The following TMEM254 variants were observed in gnomAD, a reference collection of about 807,000 sequenced individuals.
TMEM254 encodes the protein transmembrane protein 254, also known as transmembrane protein C10orf57.
A neutral mutation model predicts 13.9 loss-of-function variants in TMEM254; 16 were observed. That is an observed-to-expected ratio of 1.15 (90% CI 0.78 to 1.75). The LOEUF (loss-of-function observed/expected upper bound fraction) is 1.75. Among genes scored for constraint, TMEM254 ranks in the 40% most tolerant of loss-of-function variants. The probability of loss-of-function intolerance (pLI) is 0.00; values close to 1 mark genes in which losing one functional copy is unlikely to be tolerated. For synonymous variants in TMEM254, 61 were observed against 56.4 expected, an observed-to-expected ratio of 1.08 and a Z score of -0.36; for missense variants, 155 against 149.0, an observed-to-expected ratio of 1.04 and a Z score of -0.21.
rs1254805656 is a variant in TMEM254 at position 80,084,594 on chromosome 10, C to G, written c.251+2390C>G. On this transcript the variant is annotated intron_variant, in intron 3 of 3. Transcript: ENST00000372281. Reference sequence around the variant, plus strand: ...CCAAATTCCAGAGACTCATGTCAAGCTCTACAAATGGTTCTGTTGAGGCCA... The same window carrying G: ...CCAAATTCCAGAGACTCATGTCAAGGTCTACAAATGGTTCTGTTGAGGCCA... 5.3e-5 allele frequency among the ~76,000 whole-genome samples: 8 copies of G among 152,134 alleles called. No homozygotes were observed. The South Asian group carries it at 8.3e-4, about 16-fold the overall frequency.
intron 3 of TMEM254, among the ~76,000 whole-genome samples, chr10:80,088,347 CACAAAA>C (rs1844412059): frequency 1.3e-5 from 2 of 151,714 alleles, no homozygotes; most frequent in African/African-American, 4.8e-5. Context: ...TGTCTTGTGC[CACAAAA>C]ACAAAAAATA....
chr10:80,081,498 C>A (rs1442221175), intron 1 of TMEM254: 2 of 607,678 alleles, frequency 3.3e-6, no homozygotes, highest in African/African-American at 3.7e-5. Flanking sequence ...GAGACCCCAT[C>A]TCTATATACA....
intron 1 of TMEM254, 85 bp from the exon 2 acceptor site, chr10:80,081,756 G>T (rs754963150): frequency 1.2e-6 from 2 of 1,609,662 alleles, no homozygotes; most frequent in South Asian, 2.2e-5. Flanking sequence ...TTTTTTTACT[G>T]TTTCACAGCC....
intron 1 of TMEM254, chr10:80,079,050 C>T (rs541233327): frequency 2.7e-6 from 4 of 1,487,942 alleles, no homozygotes; most frequent in East Asian, 5.6e-5. Flanking sequence ...GGCTGGGGAG[C>T]TCCCAGCCAA....
chr10:80,083,894 T>G (rs1020004606), intron 3 of TMEM254, among the ~76,000 whole-genome samples: 12 of 151,934 alleles, frequency 7.9e-5, no homozygotes, highest in African/African-American at 2.4e-4. Context: ...CTGGCCAACA[T>G]GACAAAACCC....
At chr10:80,088,490 G>C (rs1386850308) in intron 3 of TMEM254, among the ~76,000 whole-genome samples, 1 of 146,216 alleles carries the variant, frequency 6.8e-6, no homozygotes, top group African/African-American at 2.5e-5. Context: ...TTCTATTATT[G>C]AGTCTTCTAA....
chr10:80,087,192 G>A (rs887061673), intron 3 of TMEM254, among the ~76,000 whole-genome samples: 8 of 152,026 alleles, frequency 5.3e-5, no homozygotes, highest in South Asian at 4.2e-4. Flanking sequence ...GTGCCTTAAC[G>A]TATTTAAAAA....
At chr10:80,079,362 T>C in intron 1 of TMEM254, 1 of 1,176,058 alleles carries the variant, frequency 8.5e-7, no homozygotes, top group Non-Finnish European at 1.1e-6. Flanking sequence ...AGTGTTCCTG[T>C]CTTTGGGTCC....
intron 1 of TMEM254, among the ~76,000 whole-genome samples, chr10:80,080,257 C>T (rs1843919641): frequency 6.6e-6 from 1 of 152,220 alleles, no homozygotes; most frequent in African/African-American, 2.4e-5. Context: ...ATTTAACTTT[C>T]AGATGTGAAA....
intron 1 of TMEM254, chr10:80,079,333 A>G: frequency 8.4e-7 from 1 of 1,192,600 alleles, no homozygotes; most frequent in Non-Finnish European, 1.1e-6. Context: ...GTGGGCTCTT[A>G]GGATAGTTTC....
At chr10:80,081,677 A>G (rs566696392) in intron 1 of TMEM254, 164 bp from the exon 2 acceptor site, 2 of 1,553,832 alleles carry the variant, frequency 1.3e-6, no homozygotes, top group South Asian at 2.3e-5. Context: ...AAAAAAAAAG[A>G]AAGAAAGAAA....
rs1844570558 is a variant in TMEM254 at position 80,091,392 on chromosome 10, A to G, written c.*475A>G. 1 of 152,624 alleles carries G rather than the reference A, an allele frequency of 6.6e-6. No individual in the cohort carries two copies. The highest frequency in any genetic ancestry group is 2.4e-5 in the African/African-American group (1 of 41,424). The allele number at this position is 152,624 out of a possible 1,614,324, so 9.5% of individuals were successfully genotyped here. ...CTATATGTCAATTCCACACACATTT[A>G]TTAGGTACCTGTGAGGTAGGATCCT... On this transcript the variant is annotated 3_prime_UTR_variant, in exon 4 of 4. Transcript: ENST00000372281.
In TMEM254 at chr10:80,079,607, A is replaced by G. The variant is rs1279040334; in HGVS notation, c.87+821A>G. The G allele has an allele frequency of 3.0e-6, 3 of 987,260 alleles. No individual in the cohort carries two copies. In the African/African-American group the frequency reaches 5.2e-5, roughly 17 times the overall value. 61.2% of individuals were successfully genotyped at this position (987,260 alleles called of 1,614,324 possible). A position where few individuals can be genotyped will look rare whatever the true frequency, so the allele number is the denominator to read the frequency against. ...GTTCTGACATAGGTGTGGAAGCAAGAAGAAAGCTGTACCTAGAAAAAGAGC... is the reference window on the plus strand; with the variant it reads ...GTTCTGACATAGGTGTGGAAGCAAGGAGAAAGCTGTACCTAGAAAAAGAGC... On this transcript the variant is annotated intron_variant, in intron 1 of 3. Transcript: ENST00000372281.
intron 1 of TMEM254, 188 bp downstream of exon 1, chr10:80,078,974 C>T: frequency 6.5e-7 from 1 of 1,539,348 alleles, no homozygotes; most frequent in South Asian, 1.2e-5. Context: ...CCGCCAGGGT[C>T]TTGGGCGGGC....
intron 1 of TMEM254, chr10:80,081,567 C>A: frequency 1.1e-6 from 1 of 925,374 alleles, no homozygotes; most frequent in Non-Finnish European, 1.6e-6. Context: ...ACTTGGGAGG[C>A]TGAGGTGGGA....
rs375363758 is a variant in TMEM254, at chr10:80,085,557, A to T, written c.251+3353A>T. 2.7e-4 allele frequency among the ~76,000 whole-genome samples: 41 copies of T among 151,274 alleles called. No individual in the cohort carries two copies. The East Asian group carries it at 6.0e-3, about 22-fold the overall frequency. ...ACTTTAGCCTGGGCGACAAAGTGAG[A>T]CTCTGTCTCAAAAAAAAAAAAGACA... is the stretch of plus-strand genomic sequence containing the variant. On this transcript the variant is annotated intron_variant, in intron 3 of 3. Transcript: ENST00000372281.
At chr10:80,086,844 A>C (rs1476214479) in intron 3 of TMEM254, among the ~76,000 whole-genome samples, 4 of 151,814 alleles carry the variant, frequency 2.6e-5, no homozygotes, top group African/African-American at 9.7e-5. Context: ...CCATTTCAAA[A>C]AAAAAAAAAA....
Position 80,082,133 on chromosome 10 carries a change from TTTTGG to T in TMEM254, c.192-8_192-4del, listed in dbSNP as rs1299066669. Reference sequence around the variant, plus strand: ...TCACCTTAAAAAAGATTAACCTTTTTTTTGGTTTCAGGTATTGGCTTGCCTGGCTG... The same window carrying T: ...TCACCTTAAAAAAGATTAACCTTTTTTTTCAGGTATTGGCTTGCCTGGCTG... On this transcript the variant is annotated splice_region_variant and splice_polypyrimidine_tract_variant and intron_variant, in intron 2 of 3. Coordinates refer to ENST00000372281, the MANE Select transcript of TMEM254 (RefSeq NM_025125.4). The T allele has an allele frequency of 6.2e-7, 1 of 1,614,182 alleles. No individual in the cohort carries two copies.
chr10:80,089,351 A>G (rs1214552940), intron 3 of TMEM254, among the ~76,000 whole-genome samples: 2 of 152,112 alleles, frequency 1.3e-5, no homozygotes, highest in African/African-American at 2.4e-5. Context: ...TTGTATTTCT[A>G]ACTTTGCTGA....
Sources: gnomAD v4.1 joint callset for allele counts (sites outside exome capture counted in the v4.1 genomes callset) on GRCh38, gnomAD v4.1.1 for gene constraint, MANE v1.5 for transcripts, NCBI Gene and HGNC (gene_info 2026-07-23, HGNC 2026-07-21) for gene names.